The following TAS2R1 variants were observed in gnomAD, a reference collection of about 807,000 sequenced individuals.
TAS2R1 encodes the protein taste receptor type 2 member 1.
For missense variants in TAS2R1, 370 were observed against 353.4 expected (o/e 1.05, Z -0.38); for synonymous variants, 141 against 134.2 (o/e 1.05, Z -0.35).
At chr5:9,769,223 T>C in the TAS2R1 span, among the ~76,000 whole-genome samples, 7 of 152,290 alleles carry the variant, frequency 4.6e-5, no homozygotes, top group East Asian at 1.3e-3. Flanking sequence ...TCTAGTTCCA[T>C]TTATGTTGTT....
chr5:9,796,043 G>A, the TAS2R1 span, among the ~76,000 whole-genome samples: 1 of 152,162 alleles, frequency 6.6e-6, no homozygotes, highest in African/African-American at 2.4e-5. Flanking sequence ...CAATGAAGAT[G>A]GCAGGAGATG....
At chr5:9,868,469 C>A in the TAS2R1 span, among the ~76,000 whole-genome samples, 2 of 152,214 alleles carry the variant, frequency 1.3e-5, no homozygotes. Context: ...TTAGCCACAG[C>A]TGGAGTGGCT....
the TAS2R1 span, among the ~76,000 whole-genome samples, chr5:9,768,078 A>T: frequency 0.054 from 8,168 of 152,070 alleles, 648 homozygotes; most frequent in African/African-American, 0.17. Context: ...ATCTGCTGTC[A>T]GGAGCCTCCT....
At chr5:9,809,262 T>C in the TAS2R1 span, among the ~76,000 whole-genome samples, 1 of 152,184 alleles carries the variant, frequency 6.6e-6, no homozygotes, top group African/African-American at 2.4e-5. Flanking sequence ...ATAGAATACA[T>C]GTCTTTTGCA....
chr5:9,666,763 C>T (rs997707385), intron 1 of TAS2R1, among the ~76,000 whole-genome samples: 2 of 152,054 alleles, frequency 1.3e-5, no homozygotes, highest in Non-Finnish European at 2.9e-5. Context: ...ACATCAGTTA[C>T]AACAACAAAT....
At chr5:9,802,962 G>C in the TAS2R1 span, among the ~76,000 whole-genome samples, 3 of 152,244 alleles carry the variant, frequency 2.0e-5, no homozygotes, top group Admixed American at 6.5e-5. Context: ...GGAGGCACCA[G>C]AGAAAGGTGA....
chr5:9,793,954 C>G, the TAS2R1 span, among the ~76,000 whole-genome samples: 6 of 152,126 alleles, frequency 3.9e-5, no homozygotes, highest in African/African-American at 1.4e-4. Context: ...ACATTGTACT[C>G]AGGAAGATAC....
chr5:9,742,942 G>A, the TAS2R1 span, among the ~76,000 whole-genome samples: 5 of 152,042 alleles, frequency 3.3e-5, no homozygotes, highest in African/African-American at 1.2e-4. Context: ...GAGAAACAGA[G>A]AGAAAAGTAG....
At chr5:9,742,052 C>T in the TAS2R1 span, among the ~76,000 whole-genome samples, 102 of 152,246 alleles carry the variant, frequency 6.7e-4, 2 homozygotes, top group Non-Finnish European at 8.7e-4. Context: ...TGCACCACTA[C>T]GCCTGACTAA....
chr5:9,629,702 G>A lies in TAS2R1; in HGVS notation c.331C>T (p.Arg111Cys), dbSNP rs183096214. ...TTCAACCAGATGAAGAGTGGGTGAC[G>A]GACGCTGGCAACCTTGGCACAATAG... is the stretch of plus-strand genomic sequence containing the variant. ...VFYCAKVASV[R>C]HPLFIWLKMR... Residue 111 changes from arginine (R) to cysteine (C), a missense_variant, in exon 1 of 1, where the codon CGT becomes TGT. By Grantham distance (180) the Arg-to-Cys change is radical (BLOSUM62 -3). Transcript: ENST00000382492. 1.9e-5 allele frequency: 31 copies of A among 1,614,082 alleles called. No homozygotes were observed. In the East Asian group the frequency reaches 4.5e-4, roughly 23 times the overall value.
At chr5:9,720,960 T>A in the TAS2R1 span, among the ~76,000 whole-genome samples, 4 of 152,216 alleles carry the variant, frequency 2.6e-5, no homozygotes, top group Non-Finnish European at 1.5e-5. Flanking sequence ...CTGGAAAATC[T>A]AGAACATGAT....
At chr5:9,893,213 T>TC in the TAS2R1 span, among the ~76,000 whole-genome samples, 1 of 151,644 alleles carries the variant, frequency 6.6e-6, no homozygotes, top group African/African-American at 2.4e-5. Flanking sequence ...CCCAGCTTTT[T>TC]TTTTTTTTTT....
At chr5:9,802,000 C>A in the TAS2R1 span, among the ~76,000 whole-genome samples, 2 of 152,286 alleles carry the variant, frequency 1.3e-5, no homozygotes, top group East Asian at 3.9e-4. Context: ...TATGGCCCTG[C>A]CAACTGCCTG....
chr5:9,839,603 T>C, the TAS2R1 span, among the ~76,000 whole-genome samples: 5 of 152,290 alleles, frequency 3.3e-5, no homozygotes, highest in Middle Eastern at 3.4e-3. Flanking sequence ...ATCCAATAAG[T>C]ACAAAGTGAC....
intron 2 of TAS2R1, among the ~76,000 whole-genome samples, chr5:9,635,403 TTTGC>T (rs1446662594): frequency 6.6e-6 from 1 of 152,064 alleles, no homozygotes; most frequent in African/African-American, 2.4e-5. Flanking sequence ...TGGTCTGTAG[TTTGC>T]TTTTTTTGTT....
At chr5:9,780,015 T>A in the TAS2R1 span, among the ~76,000 whole-genome samples, 1 of 152,266 alleles carries the variant, frequency 6.6e-6, no homozygotes, top group Non-Finnish European at 1.5e-5. Flanking sequence ...CCAATCTTTC[T>A]GTGTGCCACA....
the TAS2R1 span, among the ~76,000 whole-genome samples, chr5:9,886,182 C>T: frequency 6.6e-6 from 1 of 152,012 alleles, no homozygotes; most frequent in Non-Finnish European, 1.5e-5. Context: ...CAGGTGCATG[C>T]TGCCAAGCCC....
At chr5:9,700,265 A>G (rs886421678) in intron 1 of TAS2R1, among the ~76,000 whole-genome samples, 10 of 152,178 alleles carry the variant, frequency 6.6e-5, no homozygotes, top group African/African-American at 2.4e-4. Flanking sequence ...TCATTCATCA[A>G]GGTCACAATT....
At chr5:9,813,817 CTGTCT>C in the TAS2R1 span, among the ~76,000 whole-genome samples, 1 of 152,210 alleles carries the variant, frequency 6.6e-6, no homozygotes, top group East Asian at 1.9e-4. Flanking sequence ...CCTGCCACAT[CTGTCT>C]CTGCCTCCTA....
Sources: gnomAD v4.1 joint callset for allele counts (sites outside exome capture counted in the v4.1 genomes callset) on GRCh38, gnomAD v4.1.1 for gene constraint, MANE v1.5 for transcripts, NCBI Gene and HGNC (gene_info 2026-07-23, HGNC 2026-07-21) for gene names.